The following CARMIL1 variants were observed in gnomAD, a reference collection of about 807,000 sequenced individuals.
CARMIL1 encodes the protein F-actin-uncapping protein LRRC16A.
CARMIL1 carries 90 observed loss-of-function variants against 177.1 expected under a neutral mutation model. The ratio of observed to expected loss-of-function variants is 0.51; its 90% CI spans 0.43 to 0.61. The LOEUF (loss-of-function observed/expected upper bound fraction) is 0.61. Among genes scored for constraint, CARMIL1 ranks in the 20% least tolerant of loss-of-function variants. The pLI is 0.00. For missense variants in CARMIL1, 1,380 were observed against 1,667.0 expected, an observed-to-expected ratio of 0.83 and a Z score of 3.00; for synonymous variants, 577 against 606.2, an observed-to-expected ratio of 0.95 and a Z score of 0.71.
intron 4 of CARMIL1, among the ~76,000 whole-genome samples, chr6:25,433,387 T>C (rs1392769027): frequency 6.6e-6 from 1 of 152,094 alleles, no homozygotes; most frequent in African/African-American, 2.4e-5. Context: ...GGTGGGAAGG[T>C]TGGGAGTAGG....
At chr6:25,486,492 A>G (rs761522405) in intron 12 of CARMIL1, among the ~76,000 whole-genome samples, 6 of 152,184 alleles carry the variant, frequency 3.9e-5, no homozygotes, top group South Asian at 2.1e-4. Context: ...TGATTTTACA[A>G]ATGATTTTCT....
At chr6:25,484,132 CT>C (rs1389836404) in intron 12 of CARMIL1, among the ~76,000 whole-genome samples, 2 of 152,280 alleles carry the variant, frequency 1.3e-5, no homozygotes, top group African/African-American at 4.8e-5. Context: ...CTAGATGCTC[CT>C]TTCTCTGTGT....
chr6:25,539,858 A>T (rs1224613288), intron 25 of CARMIL1, 89 bp from the exon 26 acceptor site: 26 of 984,692 alleles, frequency 2.6e-5, no homozygotes, highest in Non-Finnish European at 3.8e-5. Context: ...CCCTAACAGT[A>T]TTCCTTCACC....
intron 23 of CARMIL1, among the ~76,000 whole-genome samples, chr6:25,527,238 C>T (rs571307218): frequency 1.4e-4 from 22 of 152,156 alleles, no homozygotes; most frequent in Non-Finnish European, 2.5e-4. Flanking sequence ...AAAGTTTGCT[C>T]TATTAATCTA....
intron 5 of CARMIL1, among the ~76,000 whole-genome samples, chr6:25,441,337 A>ATATATATATATATATATATATATG: frequency 1.1e-4 from 10 of 94,532 alleles, no homozygotes; most frequent in African/African-American, 3.9e-4. Context: ...ATATATATAT[A>ATATATATATATATATATATATATG]TGTGTGTGTG....
chr6:25,340,021 G>T (rs968561469), intron 2 of CARMIL1, among the ~76,000 whole-genome samples: 1 of 152,222 alleles, frequency 6.6e-6, no homozygotes, highest in Non-Finnish European at 1.5e-5. Flanking sequence ...CGAGCATGAA[G>T]AAATAATCGA....
At chr6:25,344,733 C>T (rs1315656730) in intron 2 of CARMIL1, among the ~76,000 whole-genome samples, 1 of 152,082 alleles carries the variant, frequency 6.6e-6, no homozygotes, top group Non-Finnish European at 1.5e-5. Flanking sequence ...TAGAGACTGC[C>T]ACCAGCACAC....
chr6:25,568,033 T>TA (rs1219929686), intron 29 of CARMIL1, among the ~76,000 whole-genome samples: 10 of 152,330 alleles, frequency 6.6e-5, no homozygotes, highest in Admixed American at 4.6e-4. Context: ...GCCTATCCTT[T>TA]AAAAAAATCA....
At chr6:25,342,116 G>A (rs1013092763) in intron 2 of CARMIL1, among the ~76,000 whole-genome samples, 4 of 152,222 alleles carry the variant, frequency 2.6e-5, no homozygotes, top group Admixed American at 2.0e-4. Flanking sequence ...TGTGAGATGG[G>A]AGAGACTTTG....
At chr6:25,429,487 G>A (rs929266402) in intron 4 of CARMIL1, among the ~76,000 whole-genome samples, 1 of 152,106 alleles carries the variant, frequency 6.6e-6, no homozygotes, top group Non-Finnish European at 1.5e-5. Context: ...CAATTGTTCT[G>A]GTACTTATAA....
intron 2 of CARMIL1, among the ~76,000 whole-genome samples, chr6:25,372,344 A>G (rs1314170279): frequency 6.6e-6 from 1 of 152,024 alleles, no homozygotes; most frequent in East Asian, 1.9e-4. Context: ...TAGTATGGCC[A>G]TTTTCATGAA....
chr6:25,353,812 C>T (rs1788326573), intron 2 of CARMIL1, among the ~76,000 whole-genome samples: 1 of 152,180 alleles, frequency 6.6e-6, no homozygotes, highest in Admixed American at 6.5e-5. Flanking sequence ...TTGCTACTGA[C>T]AGTGTCTATT....
intron 4 of CARMIL1, among the ~76,000 whole-genome samples, chr6:25,434,549 G>T (rs1797072488): frequency 1.5e-5 from 2 of 136,988 alleles, no homozygotes; most frequent in Non-Finnish European, 1.5e-5. Context: ...TTTTTAGACG[G>T]AGTCTTGCTC....
intron 17 of CARMIL1, among the ~76,000 whole-genome samples, chr6:25,502,170 C>T (rs947292430): frequency 2.9e-5 from 4 of 137,998 alleles, no homozygotes; most frequent in Non-Finnish European, 4.6e-5. Flanking sequence ...AGGGGCATGC[C>T]AATAGTAATT....
chr6:25,294,945 G>T (rs1001427260), intron 2 of CARMIL1, among the ~76,000 whole-genome samples: 3 of 152,148 alleles, frequency 2.0e-5, no homozygotes, highest in African/African-American at 7.2e-5. Flanking sequence ...GGAGCCTGTG[G>T]CATCACAGCA....
At chr6:25,473,676 G>A (rs1449854118) in intron 11 of CARMIL1, among the ~76,000 whole-genome samples, 1 of 152,138 alleles carries the variant, frequency 6.6e-6, no homozygotes, top group Non-Finnish European at 1.5e-5. Flanking sequence ...GACCAGTGCA[G>A]TTCAAACCCA....
rs759059180 is a variant in CARMIL1 at position 25,600,443 on chromosome 6, A to G, written c.3249A>G (p.Pro1083=). ...AATCCCGGTCCAAATCCGAGCGACC[A>G]CCAACGATCTTGATGACAGAAGAAC... The part of the protein sequence containing the change: ...LIKSRSKSER[P]PTILMTEEPS... Residue 1083 remains proline (P), a synonymous_variant, in exon 33 of 37, where the codon CCA becomes CCG. Transcript: ENST00000329474. 5 of 1,614,048 alleles carry G rather than the reference A, an allele frequency of 3.1e-6. No homozygotes were observed. In the Admixed American group the frequency reaches 5.0e-5, roughly 16 times the overall value.
chr6:25,606,405 A>G, intron 35 of CARMIL1, 132 bp downstream of exon 35: 2 of 743,470 alleles, frequency 2.7e-6, no homozygotes, highest in Non-Finnish European at 4.3e-6. Flanking sequence ...AGGGGATCAC[A>G]AGAAACCTAT....
intron 2 of CARMIL1, among the ~76,000 whole-genome samples, chr6:25,306,247 G>A (rs1783249423): frequency 6.6e-6 from 1 of 152,190 alleles, no homozygotes; most frequent in Non-Finnish European, 1.5e-5. Flanking sequence ...CCCCAGGGCT[G>A]CGGATAGGTA....
Sources: allele counts gnomAD v4.1 joint callset (sites outside exome capture counted in the v4.1 genomes callset), GRCh38; gene constraint gnomAD v4.1.1; transcripts MANE v1.5; gene names NCBI Gene and HGNC (gene_info 2026-07-23, HGNC 2026-07-21).